NRXN3: variants seen among roughly 807,000 people sequenced by gnomAD.
NRXN3 encodes the protein neurexin 3.
A neutral mutation model predicts 137.6 loss-of-function variants in NRXN3; 32 were observed. The ratio of observed to expected loss-of-function variants is 0.23; its 90% CI spans 0.18 to 0.31. The LOEUF (loss-of-function observed/expected upper bound fraction) is 0.31. Ranked by LOEUF, NRXN3 falls within the 10% of genes least tolerant of loss-of-function variation. The pLI is 1.00. For missense variants in NRXN3, 1,574 were observed against 2,062.5 expected, an observed-to-expected ratio of 0.76 and a Z score of 4.59; for synonymous variants, 798 against 784.5, an observed-to-expected ratio of 1.02 and a Z score of -0.29.
intron 19 of NRXN3, among the ~76,000 whole-genome samples, chr14:79,734,390 G>GAGACA (rs1399682074): frequency 6.6e-6 from 1 of 152,168 alleles, no homozygotes; most frequent in Admixed American, 6.5e-5. Flanking sequence ...GGCAAGCTGG[G>GAGACA]AGACAAGACA....
chr14:79,406,606 G>A (rs1405099237), intron 15 of NRXN3, among the ~76,000 whole-genome samples: 1 of 151,494 alleles, frequency 6.6e-6, no homozygotes, highest in Non-Finnish European at 1.5e-5. Context: ...TCTGGCCTGT[G>A]TTTTTCTTTT....
chr14:78,228,520 G>A (rs924038160), intron 1 of NRXN3, among the ~76,000 whole-genome samples: 1 of 152,188 alleles, frequency 6.6e-6, no homozygotes, highest in Non-Finnish European at 1.5e-5. Context: ...AATGGTCATG[G>A]CTAACATTTA....
intron 20 of NRXN3, among the ~76,000 whole-genome samples, chr14:79,827,885 G>A (rs536190931): frequency 2.6e-4 from 40 of 152,086 alleles, no homozygotes; most frequent in African/African-American, 7.7e-4. Flanking sequence ...TAGTAGAGAC[G>A]AGGTTTCACC....
chr14:78,867,699 G>C (rs1189314771), intron 10 of NRXN3, among the ~76,000 whole-genome samples: 4 of 152,124 alleles, frequency 2.6e-5, no homozygotes, highest in Non-Finnish European at 4.4e-5. Context: ...TAGGGACACT[G>C]AAAAGAATCT....
chr14:78,462,876 G>A (rs796119343), intron 4 of NRXN3, among the ~76,000 whole-genome samples: 7 of 152,234 alleles, frequency 4.6e-5, no homozygotes, highest in African/African-American at 1.7e-4. Flanking sequence ...GCAGGAATTG[G>A]GTACAAGTGC....
rs183945858 is a variant in NRXN3 at position 79,421,803 on chromosome 14, A to G, written c.3263-45418A>G. ...ATTTCTCTCAATCTTTCAAAGCATC[A>G]AAAGAAAAAAAAGTTCTCTCTTTGT... On this transcript the variant is annotated intron_variant, in intron 15 of 20. Coordinates refer to ENST00000335750, the MANE Select transcript of NRXN3 (RefSeq NM_001330195.2). 3.0e-3 allele frequency among the ~76,000 whole-genome samples: 460 copies of G among 152,302 alleles called. 5 individuals carry two copies. The highest frequency in any genetic ancestry group is 0.01 in the African/African-American group (435 of 41,560).
At chr14:78,416,461 C>T (rs1463985596) in intron 4 of NRXN3, among the ~76,000 whole-genome samples, 5 of 151,962 alleles carry the variant, frequency 3.3e-5, no homozygotes, top group African/African-American at 4.8e-5. Context: ...AGGAGGGTGG[C>T]GACACTGATT....
At chr14:78,417,761 C>A (rs1171859507) in intron 4 of NRXN3, among the ~76,000 whole-genome samples, 1 of 152,076 alleles carries the variant, frequency 6.6e-6, no homozygotes, top group Non-Finnish European at 1.5e-5. Flanking sequence ...TTTGAGGTTA[C>A]ACATTTATTT....
At chr14:78,213,275 A>AT (rs1384271523) in intron 1 of NRXN3, among the ~76,000 whole-genome samples, 3 of 68,668 alleles carry the variant, frequency 4.4e-5, no homozygotes, top group Non-Finnish European at 8.6e-5. Context: ...CTGATCTGAG[A>AT]TGGGGGAAGA....
intron 15 of NRXN3, among the ~76,000 whole-genome samples, chr14:79,442,981 G>A (rs2095992571): frequency 6.6e-6 from 1 of 152,192 alleles, no homozygotes; most frequent in Non-Finnish European, 1.5e-5. Context: ...GCCAAAAGCA[G>A]CATCTGTGAC....
chr14:78,770,085 A>C (rs1341003452), intron 8 of NRXN3, among the ~76,000 whole-genome samples: 1 of 152,208 alleles, frequency 6.6e-6, no homozygotes, highest in Non-Finnish European at 1.5e-5. Flanking sequence ...ATTTAGTGAC[A>C]ACATTTATTA....
chr14:78,844,259 C>T (rs900380119), intron 10 of NRXN3, among the ~76,000 whole-genome samples: 4 of 152,206 alleles, frequency 2.6e-5, no homozygotes, highest in African/African-American at 4.8e-5. Context: ...TTAGAACATG[C>T]GTGGCTAACC....
At chr14:79,420,353 GA>G (rs1439916548) in intron 15 of NRXN3, among the ~76,000 whole-genome samples, 4 of 152,262 alleles carry the variant, frequency 2.6e-5, no homozygotes, top group African/African-American at 9.6e-5. Context: ...ATTTATGCTG[GA>G]GGTTGTGATT....
chr14:78,934,205 C>T (rs1281646562), intron 10 of NRXN3, among the ~76,000 whole-genome samples: 1 of 150,288 alleles, frequency 6.7e-6, no homozygotes, highest in Admixed American at 6.6e-5. Context: ...CACTGAACTT[C>T]TGGCTCTAGA....
chr14:79,442,472 G>T (rs1012207542), intron 15 of NRXN3, among the ~76,000 whole-genome samples: 6 of 152,162 alleles, frequency 3.9e-5, no homozygotes, highest in Non-Finnish European at 7.3e-5. Context: ...GGCTTCTCTT[G>T]CCAGTAAGCC....
At chr14:78,404,632 T>C (rs1341902990) in intron 4 of NRXN3, among the ~76,000 whole-genome samples, 2 of 152,296 alleles carry the variant, frequency 1.3e-5, no homozygotes, top group Non-Finnish European at 2.9e-5. Flanking sequence ...CTGTTAGTGA[T>C]CGGCTTGAGA....
intron 16 of NRXN3, among the ~76,000 whole-genome samples, chr14:79,519,729 T>C (rs1729016722): frequency 6.6e-6 from 1 of 151,852 alleles, no homozygotes; most frequent in Admixed American, 6.6e-5. Context: ...TAACATCTAG[T>C]TATTACACTG....
chr14:78,345,740 A>G (rs2082658399), intron 4 of NRXN3, among the ~76,000 whole-genome samples: 1 of 152,094 alleles, frequency 6.6e-6, no homozygotes, highest in Non-Finnish European at 1.5e-5. Flanking sequence ...TCTCCTGGCA[A>G]TTTCTGAGAT....
At chr14:78,314,167 T>A (rs2078285792) in intron 4 of NRXN3, among the ~76,000 whole-genome samples, 1 of 152,224 alleles carries the variant, frequency 6.6e-6, no homozygotes, top group African/African-American at 2.4e-5. Context: ...TGAGATAGCA[T>A]GTTGACATTG....
Sources: gnomAD v4.1 joint callset for allele counts (sites outside exome capture counted in the v4.1 genomes callset) on GRCh38, gnomAD v4.1.1 for gene constraint, MANE v1.5 for transcripts, NCBI Gene and HGNC (gene_info 2026-07-23, HGNC 2026-07-21) for gene names.